Variants in PXN observed in about 807,000 individuals in gnomAD.
PXN encodes testicular tissue protein Li 134.
A neutral mutation model predicts 103.6 loss-of-function variants in PXN; 61 were observed. The ratio of observed to expected loss-of-function variants is 0.59; its 90% CI spans 0.48 to 0.73. The LOEUF (loss-of-function observed/expected upper bound fraction) is 0.73. Among genes scored for constraint, PXN ranks in the 30% least tolerant of loss-of-function variants. The probability of loss-of-function intolerance (pLI) is 0.00; values close to 1 mark genes in which losing one functional copy is unlikely to be tolerated. For missense variants in PXN, 1,274 were observed against 1,460.3 expected, an observed-to-expected ratio of 0.87 and a Z score of 2.08; for synonymous variants, 562 against 607.8, an observed-to-expected ratio of 0.92 and a Z score of 1.11.
At chr12:120,231,849 C>A (rs1392850360) in intron 1 of PXN, among the ~76,000 whole-genome samples, 1 of 152,222 alleles carries the variant, frequency 6.6e-6, no homozygotes, top group African/African-American at 2.4e-5. Flanking sequence ...CAGGCACACA[C>A]AAGGCCCACC....
intron 1 of PXN, among the ~76,000 whole-genome samples, chr12:120,227,914 C>T (rs189687922): frequency 2.0e-5 from 3 of 152,338 alleles, no homozygotes; most frequent in African/African-American, 7.2e-5. Context: ...CTTGAGCAAA[C>T]AGAGCTGGCA....
At chr12:120,254,466 G>C (rs1199310944) in intron 1 of PXN, among the ~76,000 whole-genome samples, 2 of 152,206 alleles carry the variant, frequency 1.3e-5, no homozygotes, top group Admixed American at 1.3e-4. Context: ...CTTCACTTTA[G>C]CAACCACCTT....
In PXN at chr12:120,212,210, G is replaced by A. The variant is rs889193993; in HGVS notation, c.*104C>T. The A allele has an allele frequency of 4.7e-5, 69 of 1,468,772 alleles. 1 individual carries two copies. In the Admixed American group the frequency reaches 1.4e-3, roughly 29 times the overall value. 91.0% of individuals were successfully genotyped at this position (1,468,772 alleles called of 1,614,324 possible). ...GCACCAGCGGAGGACAAGGGTTCCAGTTTCAGTCGGGTTTACCCCTTCACC... is the reference window on the plus strand; with the variant it reads ...GCACCAGCGGAGGACAAGGGTTCCAATTTCAGTCGGGTTTACCCCTTCACC... On this transcript the variant is annotated 3_prime_UTR_variant, in exon 15 of 15. Coordinates refer to ENST00000637617, the MANE Select transcript of PXN (RefSeq NM_001385981.1). This position sits in a 1 kb window ranked among gnomAD's most constrained non-coding sequence, Gnocchi z 7.2.
In PXN at chr12:120,219,312, G is replaced by A. The variant is rs372863498; in HGVS notation, c.1611C>T (p.Gly537=). The A allele has an allele frequency of 6.3e-6, 10 of 1,598,332 alleles. No homozygotes were observed. In the African/African-American group the frequency reaches 1.3e-4, roughly 21 times the overall value. ...QGPETPRSPE[G]TTEAATQDGK... is the part of the protein sequence containing the mutation. Reference sequence around the variant, plus strand: ...CGTCCTGGGTGGCAGCTTCCGTGGTGCCCTCTGGGCTCCTTGGGGTTTCAG... The same window carrying A: ...CGTCCTGGGTGGCAGCTTCCGTGGTACCCTCTGGGCTCCTTGGGGTTTCAG... The change falls in exon 7 of 15, where the codon GGC becomes GGT. Residue 537 remains glycine (G), a synonymous_variant. Coordinates refer to ENST00000637617, the MANE Select transcript of PXN (RefSeq NM_001385981.1). This position sits in a 1 kb window ranked among gnomAD's most constrained non-coding sequence, Gnocchi z 6.5.
At position 120,219,266 on chromosome 12, in the gene PXN, G is replaced by T; in HGVS notation, c.1657C>A (p.Pro553Thr). 1 of 1,598,298 alleles carries T rather than the reference G, an allele frequency of 6.3e-7. No homozygotes were observed. The highest frequency in any genetic ancestry group is 1.3e-5 in the African/African-American group (1 of 75,074). Residue 553 changes from proline (P) to threonine (T), a missense_variant, in exon 7 of 15, where the codon CCA (proline) becomes ACA (threonine). By Grantham distance (38) the Pro-to-Thr change is conservative. This residue lies in a region of PXN where 1,178 missense variants were observed against 1,309.0 expected (regional missense o/e 0.90). Transcript: ENST00000637617. The surrounding 1 kb of genome is among the most constrained non-coding windows in gnomAD (Gnocchi z 6.5). ...TQDGKEQPELPCAMAMGTPST... is the reference protein window; with the variant it reads ...TQDGKEQPELTCAMAMGTPST... ...GGTGTGCCCATGGCCATGGCACATG[G>T]AAGCTCTGGCTGTTCCTTCCCGTCC...
Position 120,265,514 on chromosome 12 carries a change from C to A in PXN, c.13+103G>T, listed in dbSNP as rs1265311530. On this transcript the variant is annotated intron_variant, in intron 1 of 14. Coordinates refer to ENST00000637617, the MANE Select transcript of PXN (RefSeq NM_001385981.1). The surrounding 1 kb of genome is among the most constrained non-coding windows in gnomAD (Gnocchi z 5.7). The stretch of plus-strand genomic sequence containing the variant: ...CAGGGACAGGAGCTGAGGCCGGGGC[C>A]GCCGAGGGTGGGATCCCGCGGCCCC... The A allele has an allele frequency of 2.3e-6, 3 of 1,319,606 alleles. No individual in the cohort carries two copies. Among genetic ancestry groups the A allele is most frequent in the African/African-American group, 1.6e-5 (1 of 63,674 alleles). 81.7% of individuals were successfully genotyped at this position (1,319,606 alleles called of 1,614,324 possible). A position where few individuals can be genotyped will look rare whatever the true frequency, so the allele number is the denominator to read the frequency against.
Position 120,223,844 on chromosome 12 carries a change from G to C in PXN, c.241-11C>G. 1 of 1,568,340 alleles carries C rather than the reference G, an allele frequency of 6.4e-7. No individual in the cohort carries two copies. Among genetic ancestry groups the C allele is most frequent in the Non-Finnish European group, 8.7e-7 (1 of 1,148,294 alleles). ...TGATGAGGACTGAGGCTGCGAGAAG[G>C]AGAATGCTCAGAGGCTACCCCGAGG... On this transcript the variant is annotated splice_polypyrimidine_tract_variant and intron_variant, in intron 2 of 14. Coordinates refer to ENST00000637617, the MANE Select transcript of PXN (RefSeq NM_001385981.1).
rs1190251024 is a variant in PXN, at chr12:120,214,911, C to T, written c.2662G>A (p.Glu888Lys). 8 of 1,614,014 alleles carry T rather than the reference C, an allele frequency of 5.0e-6. No individual in the cohort carries two copies. The highest frequency in any genetic ancestry group is 6.8e-6 in the Non-Finnish European group (8 of 1,179,880). ...QEEIGSRNFF[E>K]RDGQPYCEKD... ...TCACAGTAGGGCTGTCCATCCCGCT[C>T]GAAGAAGTTCCGGGATCCGATCTCC... Residue 888 changes from glutamate (E) to lysine (K), a missense_variant, in exon 12 of 15, where the codon GAG becomes AAG. This residue lies in a region of PXN where 1,178 missense variants were observed against 1,309.0 expected (regional missense o/e 0.90). Transcript: ENST00000637617. This position sits in a 1 kb window ranked among gnomAD's most constrained non-coding sequence, Gnocchi z 5.0.
chr12:120,237,884 C>A (rs1206629386), intron 1 of PXN, among the ~76,000 whole-genome samples: 2 of 152,088 alleles, frequency 1.3e-5, no homozygotes, highest in Non-Finnish European at 2.9e-5. Context: ...CGTCTCAGTC[C>A]CCCCACCCCA....
Position 120,222,782 on chromosome 12 carries a change from C to G in PXN, c.494-32G>C. ...GAGAGGAGAGAAAAAGGCTGCTCAG[C>G]CCTTGAGCCCTCCTGGGATCTAGAG... is the stretch of plus-strand genomic sequence containing the variant. On this transcript the variant is annotated intron_variant, in intron 4 of 14. Coordinates refer to ENST00000637617, the MANE Select transcript of PXN (RefSeq NM_001385981.1). This position sits in a 1 kb window ranked among gnomAD's most constrained non-coding sequence, Gnocchi z 4.7. The G allele has an allele frequency of 6.3e-7, 1 of 1,598,986 alleles. No homozygotes were observed. Among genetic ancestry groups the G allele is most frequent in the Non-Finnish European group, 8.5e-7 (1 of 1,172,182 alleles).
intron 1 of PXN, among the ~76,000 whole-genome samples, chr12:120,260,920 CA>C (rs34042508): frequency 1.2e-4 from 18 of 151,610 alleles, no homozygotes; most frequent in African/African-American, 3.9e-4. Context: ...ACCCTGTCTC[CA>C]AAAAAAAGTG....
rs1207268409 is a variant in PXN, at chr12:120,224,854, C to G, written c.14-477G>C. ...TCCCAGCCCCCGACTGGAAGGGGCA[C>G]TCAGGATGGTCCCTGCCCTCCTAAC... On this transcript the variant is annotated intron_variant, in intron 1 of 14. Coordinates refer to ENST00000637617, the MANE Select transcript of PXN (RefSeq NM_001385981.1). The surrounding 1 kb of genome is among the most constrained non-coding windows in gnomAD (Gnocchi z 5.0). The G allele has an allele frequency of 2.4e-6, 1 of 413,566 alleles. No homozygotes were observed. The highest frequency in any genetic ancestry group is 4.9e-6 in the Non-Finnish European group (1 of 203,180). The allele number at this position is 413,566 out of a possible 1,614,324, so 25.6% of individuals were successfully genotyped here. A position where few individuals can be genotyped will look rare whatever the true frequency, so the allele number is the denominator to read the frequency against.
chr12:120,218,769 T>C (rs1884093447), intron 7 of PXN, among the ~76,000 whole-genome samples: 1 of 152,272 alleles, frequency 6.6e-6, no homozygotes, highest in African/African-American at 2.4e-5. Flanking sequence ...CTAAACACTT[T>C]CCAGGAATTA....
chr12:120,212,763 T>C lies in PXN; in HGVS notation c.2980-183A>G, dbSNP rs897884332. 2 of 640,566 alleles carry C rather than the reference T, an allele frequency of 3.1e-6. No individual in the cohort carries two copies. The highest frequency in any genetic ancestry group is 3.7e-5 in the African/African-American group (2 of 53,782). 39.7% of individuals were successfully genotyped at this position (640,566 alleles called of 1,614,324 possible). On this transcript the variant is annotated intron_variant, in intron 14 of 14. Transcript: ENST00000637617. This position sits in a 1 kb window ranked among gnomAD's most constrained non-coding sequence, Gnocchi z 7.2. ...TTTTATTTTATTAAATAAATTTTTTTTGTAGAGATGGGGGTCTCACTATAT... is the reference window on the plus strand; with the variant it reads ...TTTTATTTTATTAAATAAATTTTTTCTGTAGAGATGGGGGTCTCACTATAT...
At chr12:120,230,182 C>G (rs1887718106) in intron 1 of PXN, among the ~76,000 whole-genome samples, 1 of 152,352 alleles carries the variant, frequency 6.6e-6, no homozygotes, top group Admixed American at 6.5e-5. Context: ...GAAGGAGCAG[C>G]AAGCACCGCC....
chr12:120,258,081 T>C (rs527974784), intron 1 of PXN, among the ~76,000 whole-genome samples: 5 of 152,008 alleles, frequency 3.3e-5, no homozygotes, highest in Admixed American at 6.6e-5. Context: ...TAATCCTAGC[T>C]ACTGCGGAGG....
At chr12:120,244,232 T>A (rs1051588957) in intron 1 of PXN, among the ~76,000 whole-genome samples, 1 of 150,264 alleles carries the variant, frequency 6.7e-6, no homozygotes, top group Admixed American at 6.7e-5. Flanking sequence ...AACAAAAAAA[T>A]AGCTGGGCAT....
chr12:120,244,420 G>C (rs1224464716), intron 1 of PXN, among the ~76,000 whole-genome samples: 1 of 151,932 alleles, frequency 6.6e-6, no homozygotes, highest in Admixed American at 6.6e-5. Context: ...GCCGAGGCGG[G>C]CGGATCACGA....
Position 120,225,964 on chromosome 12 carries a change from C to G in PXN, c.14-1587G>C. 2 of 762,198 alleles carry G rather than the reference C, an allele frequency of 2.6e-6. No homozygotes were observed. Among genetic ancestry groups the G allele is most frequent in the Non-Finnish European group, 3.4e-6 (2 of 596,060 alleles). 47.2% of individuals were successfully genotyped at this position (762,198 alleles called of 1,614,324 possible). A position where few individuals can be genotyped will look rare whatever the true frequency, so the allele number is the denominator to read the frequency against. On this transcript the variant is annotated intron_variant, in intron 1 of 14. Transcript: ENST00000637617. This position sits in a 1 kb window ranked among gnomAD's most constrained non-coding sequence, Gnocchi z 4.4. The stretch of plus-strand genomic sequence containing the variant: ...ATGTCTGTTCCAAGGCCCAGGACCC[C>G]GGGTCTGGTCGCCTGACCTCCAAGG...
Sources: gnomAD v4.1 joint callset for allele counts (sites outside exome capture counted in the v4.1 genomes callset) on GRCh38, gnomAD v4.1.1 for gene constraint, gnomAD v4.1.1 regional missense constraint, Gnocchi (gnomAD v3.1) non-coding constraint, MANE v1.5 for transcripts, NCBI Gene and HGNC (gene_info 2026-07-23, HGNC 2026-07-21) for gene names.